The following EXOC6B variants were observed in gnomAD, a reference collection of about 807,000 sequenced individuals.
EXOC6B encodes the protein exocyst complex component 6B, also known as SEC15 homolog B.
A neutral mutation model predicts 113.5 loss-of-function variants in EXOC6B; 54 were observed. That is an observed-to-expected ratio of 0.48 (90% CI 0.38 to 0.60). EXOC6B has a LOEUF of 0.60. Among genes scored for constraint, EXOC6B ranks in the 20% least tolerant of loss-of-function variants. EXOC6B has a pLI of 0.00. For synonymous variants in EXOC6B, 357 were observed against 339.0 expected (o/e 1.05, Z -0.58); for missense variants, 797 against 977.5 (o/e 0.82, Z 2.46).
intron 18 of EXOC6B, among the ~76,000 whole-genome samples, chr2:72,398,573 T>C (rs1692907338): frequency 6.6e-6 from 1 of 151,956 alleles, no homozygotes. Context: ...GATGTACCCC[T>C]GTAATCCCAG....
chr2:72,404,142 G>A (rs1693552438), intron 18 of EXOC6B, among the ~76,000 whole-genome samples: 1 of 152,198 alleles, frequency 6.6e-6, no homozygotes, highest in African/African-American at 2.4e-5. Flanking sequence ...CAAACTGCAA[G>A]GCAGCGGGGA....
At chr2:72,716,615 G>A (rs554829461) in intron 6 of EXOC6B, among the ~76,000 whole-genome samples, 1 of 152,166 alleles carries the variant, frequency 6.6e-6, no homozygotes, top group South Asian at 2.1e-4. Context: ...AGTTTACACA[G>A]ATTGAGTACC....
chr2:72,318,829 A>C (rs1487614939), intron 20 of EXOC6B, among the ~76,000 whole-genome samples: 1 of 152,072 alleles, frequency 6.6e-6, no homozygotes, highest in Non-Finnish European at 1.5e-5. Flanking sequence ...GCCATTTAAT[A>C]CTACTTTATG....
intron 6 of EXOC6B, among the ~76,000 whole-genome samples, chr2:72,582,125 G>T (rs4407272): frequency 0.88 from 133,827 of 151,906 alleles, 59,048 homozygotes; most frequent in East Asian, 0.99. Flanking sequence ...CAACATTCTC[G>T]GTAGTTATAG....
At chr2:72,704,023 C>T (rs1348234711) in intron 6 of EXOC6B, among the ~76,000 whole-genome samples, 4 of 151,760 alleles carry the variant, frequency 2.6e-5, no homozygotes, top group Non-Finnish European at 5.9e-5. Flanking sequence ...ACAGAATATA[C>T]ATTTTTTTCA....
chr2:72,338,204 A>G (rs1688805562), intron 19 of EXOC6B, among the ~76,000 whole-genome samples: 1 of 152,184 alleles, frequency 6.6e-6, no homozygotes, highest in Non-Finnish European at 1.5e-5. Flanking sequence ...ATAATACAGC[A>G]TTCCTTACAG....
rs533691706 is a variant in EXOC6B at position 72,749,906 on chromosome 2, C to A, written c.114-8437G>T. 3.3e-5 allele frequency among the ~76,000 whole-genome samples: 5 copies of A among 151,896 alleles called. No individual in the cohort carries two copies. In the South Asian group the frequency reaches 1.0e-3, roughly 32 times the overall value. Reference sequence around the variant, plus strand: ...ATAGACCATGCAAGTTTCCTAGAATCTCTGAATCAAACCCTAATAAATGTA... The same window carrying A: ...ATAGACCATGCAAGTTTCCTAGAATATCTGAATCAAACCCTAATAAATGTA... On this transcript the variant is annotated intron_variant, in intron 1 of 21. Coordinates refer to ENST00000272427, the MANE Select transcript of EXOC6B (RefSeq NM_015189.3).
intron 6 of EXOC6B, among the ~76,000 whole-genome samples, chr2:72,672,359 A>G (rs1675949892): frequency 6.6e-6 from 1 of 151,898 alleles, no homozygotes; most frequent in Admixed American, 6.6e-5. Context: ...GGCCAGGTGC[A>G]GTGGCTCACG....
intron 18 of EXOC6B, among the ~76,000 whole-genome samples, chr2:72,407,750 C>A (rs1693882307): frequency 6.6e-6 from 1 of 152,140 alleles, no homozygotes; most frequent in African/African-American, 2.4e-5. Context: ...AAACCCACAG[C>A]CAATATCATA....
At chr2:72,494,278 A>C (rs1270447685) in intron 15 of EXOC6B, among the ~76,000 whole-genome samples, 1 of 152,102 alleles carries the variant, frequency 6.6e-6, no homozygotes, top group Non-Finnish European at 1.5e-5. Flanking sequence ...TAATATACCT[A>C]ACATACCCTA....
intron 18 of EXOC6B, among the ~76,000 whole-genome samples, chr2:72,418,653 G>C (rs1694680931): frequency 6.6e-6 from 1 of 151,998 alleles, no homozygotes; most frequent in Non-Finnish European, 1.5e-5. Flanking sequence ...GTTACTGTTT[G>C]CATGGAATCT....
At chr2:72,602,311 A>C (rs1016818136) in intron 6 of EXOC6B, among the ~76,000 whole-genome samples, 1 of 152,214 alleles carries the variant, frequency 6.6e-6, no homozygotes, top group Non-Finnish European at 1.5e-5. Context: ...TCCATGAATG[A>C]ATATAATTCT....
chr2:72,344,150 A>G (rs1430680860), intron 19 of EXOC6B, among the ~76,000 whole-genome samples: 2 of 151,816 alleles, frequency 1.3e-5, no homozygotes, highest in African/African-American at 4.8e-5. Flanking sequence ...TTACTCAGTA[A>G]TCTCCATTGT....
chr2:72,420,954 T>C (rs1694835411), intron 18 of EXOC6B, among the ~76,000 whole-genome samples: 1 of 152,256 alleles, frequency 6.6e-6, no homozygotes, highest in African/African-American at 2.4e-5. Context: ...TGGTATCTCA[T>C]TGTGGTTTTG....
intron 6 of EXOC6B, among the ~76,000 whole-genome samples, chr2:72,665,406 G>T (rs978491671): frequency 1.3e-5 from 2 of 152,060 alleles, no homozygotes; most frequent in African/African-American, 4.8e-5. Context: ...CATCAGATTC[G>T]CAAAGGTCAA....
rs1302750294 is a variant in EXOC6B at position 72,746,749 on chromosome 2, G to A, written c.114-5280C>T. 2.6e-5 allele frequency among the ~76,000 whole-genome samples: 4 copies of A among 152,122 alleles called. No individual in the cohort carries two copies. The South Asian group carries it at 6.2e-4, about 24-fold the overall frequency. ...GACATTATTCCCATTTTATAAATGA[G>A]AAACCTGTAACCCAAGATGAAGCAA... On this transcript the variant is annotated intron_variant, in intron 1 of 21. Coordinates refer to ENST00000272427, the MANE Select transcript of EXOC6B (RefSeq NM_015189.3).
intron 19 of EXOC6B, among the ~76,000 whole-genome samples, chr2:72,344,828 G>A (rs562618345): frequency 1.1e-4 from 17 of 152,072 alleles, no homozygotes; most frequent in African/African-American, 4.1e-4. Flanking sequence ...AGAGAAGTAG[G>A]GGGAAAAAAA....
chr2:72,710,200 T>C (rs2104685112), intron 6 of EXOC6B, among the ~76,000 whole-genome samples: 1 of 152,238 alleles, frequency 6.6e-6, no homozygotes, highest in South Asian at 2.1e-4. Context: ...TTAAAAATAT[T>C]GCTTTCTGTG....
At chr2:72,714,740 A>G (rs985414421) in intron 6 of EXOC6B, among the ~76,000 whole-genome samples, 1 of 152,186 alleles carries the variant, frequency 6.6e-6, no homozygotes, top group Non-Finnish European at 1.5e-5. Context: ...CATCACCTCA[A>G]TGTAAGGCCA....
Sources: allele counts gnomAD v4.1 joint callset (sites outside exome capture counted in the v4.1 genomes callset), GRCh38; gene constraint gnomAD v4.1.1; transcripts MANE v1.5; gene names NCBI Gene and HGNC (gene_info 2026-07-23, HGNC 2026-07-21).